The following OTOGL variants were observed in gnomAD, a reference collection of about 807,000 sequenced individuals.
OTOGL encodes the protein otogelin-like protein.
In OTOGL, 285 loss-of-function variants were observed where a neutral mutation model predicts 318.5. That is an observed-to-expected ratio of 0.89 (90% CI 0.81 to 0.99). The LOEUF (loss-of-function observed/expected upper bound fraction) is 0.99, where lower values mean the gene tolerates loss of function less well. Among genes scored for constraint, OTOGL ranks in the 50% least tolerant of loss-of-function variants. The pLI is 0.00. For synonymous variants in OTOGL, 987 were observed against 936.5 expected, an observed-to-expected ratio of 1.05 and a Z score of -0.99; for missense variants, 2,899 against 2,845.6, an observed-to-expected ratio of 1.02 and a Z score of -0.43.
intron 1 of OTOGL, among the ~76,000 whole-genome samples, chr12:80,143,985 A>G (rs1315509496): frequency 6.6e-6 from 1 of 151,810 alleles, no homozygotes; most frequent in Non-Finnish European, 1.5e-5. Flanking sequence ...GGCCAGAGAG[A>G]TATATGTATA....
At chr12:80,195,241 A>G (rs1398576211) in intron 1 of OTOGL, among the ~76,000 whole-genome samples, 1 of 152,222 alleles carries the variant, frequency 6.6e-6, no homozygotes, top group Non-Finnish European at 1.5e-5. Flanking sequence ...GCATTTTAAG[A>G]CAGAATTTGC....
At chr12:80,100,471 A>C (rs1384763457) in intron 1 of OTOGL, among the ~76,000 whole-genome samples, 4 of 152,162 alleles carry the variant, frequency 2.6e-5, no homozygotes, top group Non-Finnish European at 5.9e-5. Context: ...TATCCATAAT[A>C]ATCAAAAATT....
At chr12:80,328,794 A>G (rs747363851) in intron 36 of OTOGL, 50 bp downstream of exon 36, 1 of 1,488,596 alleles carries the variant, frequency 6.7e-7, no homozygotes, top group Non-Finnish European at 9.3e-7. Context: ...ACGCTTGCAT[A>G]TGTTTTTTCC....
intron 2 of OTOGL, 25 bp downstream of exon 2, chr12:80,209,535 T>A: frequency 7.3e-7 from 1 of 1,376,842 alleles, no homozygotes; most frequent in East Asian, 2.5e-5. Flanking sequence ...TAAATTTTTA[T>A]GTTAATTTAT....
intron 24 of OTOGL, among the ~76,000 whole-genome samples, chr12:80,275,906 G>A (rs1310824764): frequency 2.0e-5 from 3 of 151,232 alleles, no homozygotes; most frequent in Non-Finnish European, 3.0e-5. Context: ...ATGCTATTAT[G>A]CATTTAATAG....
chr12:80,308,686 T>G (rs933891719), intron 29 of OTOGL, among the ~76,000 whole-genome samples: 2 of 152,188 alleles, frequency 1.3e-5, no homozygotes, highest in Non-Finnish European at 2.9e-5. Context: ...CATTGAGCAC[T>G]GAGTGAACGA....
chr12:80,293,657 CTT>C (rs199604914), intron 26 of OTOGL, among the ~76,000 whole-genome samples: 2 of 145,082 alleles, frequency 1.4e-5, no homozygotes, highest in Admixed American at 6.9e-5. Flanking sequence ...ATATGTTCAG[CTT>C]TTTTTTTTTT....
At chr12:80,324,766 G>A (rs1318923594) in intron 35 of OTOGL, among the ~76,000 whole-genome samples, 1 of 152,140 alleles carries the variant, frequency 6.6e-6, no homozygotes, top group Non-Finnish European at 1.5e-5. Context: ...AAAGAATCAA[G>A]TTTTGGCCTC....
chr12:80,355,615 A>G (rs565886862), intron 46 of OTOGL, 121 bp from the exon 47 acceptor site: 114 of 717,528 alleles, frequency 1.6e-4, no homozygotes, highest in Non-Finnish European at 2.3e-4. Flanking sequence ...GAGAAAAACA[A>G]TAGACTTGTG....
At chr12:80,321,197 C>T (rs940915091) in intron 34 of OTOGL, among the ~76,000 whole-genome samples, 1 of 152,170 alleles carries the variant, frequency 6.6e-6, no homozygotes, top group African/African-American at 2.4e-5. Context: ...GAAACCTAAT[C>T]TTACTTCTAG....
intron 1 of OTOGL, among the ~76,000 whole-genome samples, chr12:80,161,240 A>T (rs1196063700): frequency 1.3e-5 from 2 of 152,218 alleles, no homozygotes; most frequent in East Asian, 3.9e-4. Context: ...AAATAAAAAA[A>T]TTTTTAAAAA....
At chr12:80,336,260 T>A (rs1184436848) in intron 39 of OTOGL, 120 bp downstream of exon 39, 1 of 1,353,032 alleles carries the variant, frequency 7.4e-7, no homozygotes, top group East Asian at 2.6e-5. Context: ...TTTTCATGAT[T>A]TGATTTATGA....
intron 1 of OTOGL, among the ~76,000 whole-genome samples, chr12:80,128,896 G>A: frequency 6.6e-6 from 1 of 152,196 alleles, no homozygotes; most frequent in East Asian, 1.9e-4. Context: ...GAAAAGCACA[G>A]TATTAGGGTG....
At chr12:80,238,804 G>T in intron 9 of OTOGL, 47 bp from the exon 10 acceptor site, 1 of 1,434,032 alleles carries the variant, frequency 7.0e-7, no homozygotes, top group South Asian at 1.5e-5. Context: ...AAAATGATAT[G>T]ATTACACCTA....
At chr12:80,215,363 C>T (rs922015878) in intron 4 of OTOGL, among the ~76,000 whole-genome samples, 10 of 151,970 alleles carry the variant, frequency 6.6e-5, no homozygotes, top group Non-Finnish European at 1.3e-4. Context: ...GATGGGGTTT[C>T]ACCATGTTGG....
intron 55 of OTOGL, among the ~76,000 whole-genome samples, chr12:80,370,281 CTA>C (rs1419496750): frequency 6.6e-6 from 1 of 151,946 alleles, no homozygotes; most frequent in Non-Finnish European, 1.5e-5. Flanking sequence ...TCTTCACTCT[CTA>C]TTGTTTTATT....
chr12:80,126,952 G>A (rs570870274), intron 1 of OTOGL, among the ~76,000 whole-genome samples: 1 of 152,256 alleles, frequency 6.6e-6, no homozygotes, highest in Non-Finnish European at 1.5e-5. Flanking sequence ...CATGAGATGG[G>A]TTTCCTGAAT....
chr12:80,354,946 A>C (rs1889776067), intron 46 of OTOGL, among the ~76,000 whole-genome samples: 1 of 152,278 alleles, frequency 6.6e-6, no homozygotes, highest in East Asian at 1.9e-4. Context: ...TTTAGATTTT[A>C]AAGCAGAAAT....
intron 1 of OTOGL, among the ~76,000 whole-genome samples, chr12:80,182,770 C>T (rs76984073): frequency 6.6e-6 from 1 of 152,272 alleles, no homozygotes; most frequent in African/African-American, 2.4e-5. Context: ...CTCAGGATGG[C>T]TGAAGCATAG....
Sources: gnomAD v4.1 joint callset for allele counts (sites outside exome capture counted in the v4.1 genomes callset) on GRCh38, gnomAD v4.1.1 for gene constraint, MANE v1.5 for transcripts, NCBI Gene and HGNC (gene_info 2026-07-23, HGNC 2026-07-21) for gene names.